LSAMP: variants seen among roughly 807,000 people sequenced by gnomAD.
LSAMP encodes limbic system-associated membrane protein.
LSAMP carries 7 observed loss-of-function variants against 38.6 expected under a neutral mutation model. The ratio of observed to expected loss-of-function variants is 0.18; its 90% confidence interval spans 0.10 to 0.34. LSAMP has a LOEUF of 0.34. Among genes scored for constraint, LSAMP ranks in the 10% least tolerant of loss-of-function variants. LSAMP has a pLI of 1.00. For missense variants in LSAMP, 313 were observed against 420.0 expected, an observed-to-expected ratio of 0.75 and a Z score of 2.23; for synonymous variants, 154 against 166.8, an observed-to-expected ratio of 0.92 and a Z score of 0.59.
chr3:116,350,752 A>G (rs1185449625), intron 1 of LSAMP, among the ~76,000 whole-genome samples: 1 of 152,050 alleles, frequency 6.6e-6, no homozygotes, highest in Admixed American at 6.6e-5. Context: ...TTACTTAATA[A>G]GAGAAGAAAA....
chr3:116,420,101 CTT>C (rs374517771), intron 1 of LSAMP, among the ~76,000 whole-genome samples: 2 of 143,610 alleles, frequency 1.4e-5, no homozygotes, highest in African/African-American at 2.5e-5. Flanking sequence ...TTTTTCTTTT[CTT>C]TTTTTTTTTT....
At chr3:116,341,402 G>A (rs2047993600) in intron 1 of LSAMP, among the ~76,000 whole-genome samples, 2 of 151,960 alleles carry the variant, frequency 1.3e-5, no homozygotes, top group Admixed American at 1.3e-4. Flanking sequence ...TAAGGAAACA[G>A]TAGAAATAGC....
intron 3 of LSAMP, among the ~76,000 whole-genome samples, chr3:115,950,546 A>G (rs1331341223): frequency 6.6e-6 from 1 of 152,170 alleles, no homozygotes; most frequent in African/African-American, 2.4e-5. Flanking sequence ...AGAAGGTGAA[A>G]GATCTGTACA....
chr3:116,357,560 T>C (rs2048242734), intron 1 of LSAMP, among the ~76,000 whole-genome samples: 1 of 152,044 alleles, frequency 6.6e-6, no homozygotes, highest in African/African-American at 2.4e-5. Flanking sequence ...GAATACTAGG[T>C]ATAGAGGATT....
intron 6 of LSAMP, among the ~76,000 whole-genome samples, chr3:115,821,515 T>C (rs1934238043): frequency 6.6e-6 from 1 of 152,162 alleles, no homozygotes; most frequent in South Asian, 2.1e-4. Flanking sequence ...ACAAATGTCT[T>C]ATTTTTCAAC....
At chr3:116,098,377 T>C (rs1310763554) in intron 1 of LSAMP, among the ~76,000 whole-genome samples, 3 of 152,130 alleles carry the variant, frequency 2.0e-5, no homozygotes, top group African/African-American at 7.2e-5. Context: ...CGCATGCCTG[T>C]AATCCCAGCT....
chr3:116,009,316 G>T (rs1940256944), intron 3 of LSAMP, among the ~76,000 whole-genome samples: 1 of 151,846 alleles, frequency 6.6e-6, no homozygotes. Flanking sequence ...AGAATTTCAG[G>T]CCCCACCCAG....
intron 1 of LSAMP, among the ~76,000 whole-genome samples, chr3:116,318,499 C>T (rs1453488597): frequency 6.6e-6 from 1 of 152,178 alleles, no homozygotes; most frequent in African/African-American, 2.4e-5. Flanking sequence ...TGTCCCAAGC[C>T]AACTGTCAGC....
At chr3:116,265,615 A>T (rs977508295) in intron 1 of LSAMP, among the ~76,000 whole-genome samples, 18 of 152,160 alleles carry the variant, frequency 1.2e-4, no homozygotes, top group African/African-American at 4.3e-4. Flanking sequence ...GCCTTGTCTC[A>T]CACTAATGGC....
In LSAMP at chr3:115,928,199, G is replaced by A. The variant is rs1408973482; in HGVS notation, c.515-75582C>T. ...CACTAATTCAAATGAAAAAACCTGG[G>A]AATCTCTGGTCTTTTTACTTTTTAC... On this transcript the variant is annotated intron_variant, in intron 3 of 6. Transcript: ENST00000490035. Among the ~76,000 whole-genome samples the A allele has an allele frequency of 5.9e-5, 9 of 152,224 alleles. No homozygotes were observed. The East Asian group carries it at 1.7e-3, about 29-fold the overall frequency.
intron 1 of LSAMP, among the ~76,000 whole-genome samples, chr3:116,145,221 T>TC (rs1388969447): frequency 6.6e-6 from 1 of 151,962 alleles, no homozygotes; most frequent in Non-Finnish European, 1.5e-5. Context: ...TTATCTATTT[T>TC]CTTTTTTTGA....
chr3:115,842,066 C>T lies in LSAMP; in HGVS notation c.771-73G>A. ...TTAGCTTAGGAATTCTTTCCCCATC[C>T]TGACACTGGAGGAAAAGGAGAGAAA... On this transcript the variant is annotated intron_variant, in intron 5 of 6. Coordinates refer to ENST00000490035, the MANE Select transcript of LSAMP (RefSeq NM_002338.5). The T allele has an allele frequency of 6.2e-6, 9 of 1,459,446 alleles. No homozygotes were observed. The South Asian group carries it at 1.2e-4, about 19-fold the overall frequency. The allele number at this position is 1,459,446 out of a possible 1,614,324, so 90.4% of individuals were successfully genotyped here.
chr3:116,200,551 C>T (rs1335995970), intron 1 of LSAMP, among the ~76,000 whole-genome samples: 1 of 152,182 alleles, frequency 6.6e-6, no homozygotes, highest in African/African-American at 2.4e-5. Context: ...ACAATCAGCT[C>T]ATGACCCCAA....
intron 1 of LSAMP, among the ~76,000 whole-genome samples, chr3:116,161,979 T>G (rs1426080145): frequency 6.6e-6 from 1 of 151,448 alleles, no homozygotes; most frequent in African/African-American, 2.4e-5. Flanking sequence ...GAAATGAGAG[T>G]ACATAATCAT....
chr3:116,087,033 A>T (rs1006985105), intron 1 of LSAMP, among the ~76,000 whole-genome samples: 3 of 152,210 alleles, frequency 2.0e-5, no homozygotes, highest in African/African-American at 7.2e-5. Context: ...TAGACTTCTG[A>T]GTTTACTTCT....
intron 3 of LSAMP, among the ~76,000 whole-genome samples, chr3:115,977,043 T>C (rs890897218): frequency 1.3e-5 from 2 of 152,076 alleles, no homozygotes; most frequent in African/African-American, 2.4e-5. Flanking sequence ...GAGCATAACA[T>C]TGAGCGGAAG....
intron 3 of LSAMP, among the ~76,000 whole-genome samples, chr3:115,984,197 G>T (rs890979421): frequency 2.0e-5 from 3 of 152,074 alleles, no homozygotes; most frequent in Admixed American, 1.3e-4. Flanking sequence ...CTTCTGGCTT[G>T]CCTGAATGGG....
chr3:116,038,939 A>G (rs1228086330), intron 2 of LSAMP, among the ~76,000 whole-genome samples: 1 of 152,210 alleles, frequency 6.6e-6, no homozygotes. Flanking sequence ...AATACTTTGC[A>G]TAGCATTTAC....
At chr3:116,120,753 T>C (rs1246192426) in intron 1 of LSAMP, among the ~76,000 whole-genome samples, 1 of 152,186 alleles carries the variant, frequency 6.6e-6, no homozygotes, top group Non-Finnish European at 1.5e-5. Flanking sequence ...AAACTCCTTA[T>C]AATAAATACA....
Sources: gnomAD v4.1 joint callset for allele counts (sites outside exome capture counted in the v4.1 genomes callset) on GRCh38, gnomAD v4.1.1 for gene constraint, MANE v1.5 for transcripts, NCBI Gene and HGNC (gene_info 2026-07-23, HGNC 2026-07-21) for gene names.